The following DUOX1 variants were observed in gnomAD, a reference collection of about 807,000 sequenced individuals.
DUOX1 encodes NADPH thyroid oxidase 1.
In DUOX1, 134 loss-of-function variants were observed where a neutral mutation model predicts 181.8. The ratio of observed to expected loss-of-function variants is 0.74; its 90% CI spans 0.64 to 0.85. The LOEUF (loss-of-function observed/expected upper bound fraction) is 0.85. Ranked by LOEUF, DUOX1 falls within the 40% of genes least tolerant of loss-of-function variation. The pLI, the probability that DUOX1 is intolerant of heterozygous loss-of-function variation, is 0.00. For missense variants in DUOX1, 1,814 were observed against 2,064.4 expected, an observed-to-expected ratio of 0.88 and a Z score of 2.35; for synonymous variants, 798 against 832.5, an observed-to-expected ratio of 0.96 and a Z score of 0.71.
chr15:45,134,421 G>A (rs933311946), intron 4 of DUOX1, 112 bp downstream of exon 4: 8 of 1,191,268 alleles, frequency 6.7e-6, no homozygotes, highest in Non-Finnish European at 6.9e-6. Flanking sequence ...AAGGGATGAG[G>A]GTGAGAGGTG....
chr15:45,135,818 T>C lies in DUOX1; in HGVS notation c.734T>C (p.Leu245Pro), dbSNP rs1202992197. 6.9e-7 allele frequency: 1 copy of C among 1,439,112 alleles called. No individual in the cohort carries two copies. Among genetic ancestry groups the C allele is most frequent in the East Asian group, 2.5e-5 (1 of 40,034 alleles). 89.1% of individuals were successfully genotyped at this position (1,439,112 alleles called of 1,614,324 possible). A position where few individuals can be genotyped will look rare whatever the true frequency, so the allele number is the denominator to read the frequency against. Reference protein sequence around the residue: ...GAERGNREPFLQALGLLWFRY... With the variant: ...GAERGNREPFPQALGLLWFRY... Reference sequence around the variant, plus strand: ...GAGAGAGGGAACCGGGAACCCTTCCTGCAGGCGCTGGGCCTGCTCTGGTTC... The same window carrying C: ...GAGAGAGGGAACCGGGAACCCTTCCCGCAGGCGCTGGGCCTGCTCTGGTTC... Residue 245 changes from leucine to proline, a missense_variant, in exon 7 of 34, where the codon CTG becomes CCG. Physicochemically the swap from Leu to Pro is moderately conservative, Grantham distance 98. Transcript: ENST00000389037.
At chr15:45,141,828 T>G in intron 14 of DUOX1, 147 bp from the exon 15 acceptor site, 2 of 764,360 alleles carry the variant, frequency 2.6e-6, no homozygotes, top group South Asian at 3.7e-5. Context: ...GATTCATTTT[T>G]TACCCCACTT....
rs767048837 is a variant in DUOX1, at chr15:45,147,905, C to T, written c.2550C>T (p.Gly850=). Residue 850 remains glycine (G), a splice_region_variant and synonymous_variant, in exon 20 of 34, where the codon GGC becomes GGT. Transcript: ENST00000389037. ...CTTATGGAGTCCTCCCTCTCCCAGG[C>T]TCTCCTGAGGAAAAGTCTCGCCTTA... ...FLDILVVFMK[G]SPEEKSRLMF... is the part of the protein sequence containing the mutation. 3.1e-6 allele frequency: 5 copies of T among 1,613,784 alleles called. No homozygotes were observed. The highest frequency in any genetic ancestry group is 1.3e-5 in the African/African-American group (1 of 75,062).
chr15:45,139,971 C>A, intron 12 of DUOX1: 3 of 844,062 alleles, frequency 3.6e-6, no homozygotes, highest in Non-Finnish European at 5.6e-6. Context: ...CAGGAGTCAG[C>A]TGTTACACCC....
intron 21 of DUOX1, among the ~76,000 whole-genome samples, chr15:45,149,792 A>C (rs1896757958): frequency 6.6e-6 from 1 of 152,234 alleles, no homozygotes; most frequent in African/African-American, 2.4e-5. Flanking sequence ...CGGAGGCTGT[A>C]GTGAGCCAAG....
chr15:45,153,588 G>T, intron 26 of DUOX1, 109 bp downstream of exon 26: 1 of 1,162,808 alleles, frequency 8.6e-7, no homozygotes, highest in Admixed American at 1.7e-5. Context: ...GAAATTATCT[G>T]GCTCCAGAGG....
chr15:45,153,238 A>C, intron 25 of DUOX1, 142 bp from the exon 26 acceptor site: 1 of 420,752 alleles, frequency 2.4e-6, no homozygotes. Context: ...AAAAAAAAAA[A>C]AAAAAAAGAG....
Position 45,143,194 on chromosome 15 carries a change from C to A in DUOX1, c.1827C>A (p.Ser609Arg), listed in dbSNP as rs756122319. The change falls in exon 16 of 34, where the codon AGC becomes AGA. Residue 609 changes from serine to arginine, a missense_variant. Physicochemically the swap from Ser to Arg is moderately radical, Grantham distance 110. Coordinates refer to ENST00000389037, the MANE Select transcript of DUOX1 (RefSeq NM_175940.3). Reference sequence around the variant, plus strand: ...CCTCTGCCTCTGCCCTCCCAGTGAGCCTGCTCAGTGCCTGGATTGTTGCCC... The same window carrying A: ...CCTCTGCCTCTGCCCTCCCAGTGAGACTGCTCAGTGCCTGGATTGTTGCCC... ...IGTLCCFPLV[S>R]LLSAWIVARL... The A allele has an allele frequency of 2.5e-6, 4 of 1,613,892 alleles. No homozygotes were observed. The highest frequency in any genetic ancestry group is 1.1e-5 in the South Asian group (1 of 91,034).
chr15:45,162,144 T>C, intron 30 of DUOX1, 75 bp from the exon 31 acceptor site: 1 of 1,554,658 alleles, frequency 6.4e-7, no homozygotes, highest in Non-Finnish European at 8.7e-7. Context: ...TATCTACCTT[T>C]CCTTTTCTCT....
intron 4 of DUOX1, 81 bp downstream of exon 4, chr15:45,134,390 G>C: frequency 1.4e-6 from 2 of 1,452,456 alleles, no homozygotes; most frequent in Non-Finnish European, 9.2e-7. Context: ...CAGAGGATGA[G>C]AGAGAAGTGA....
At position 45,139,063 on chromosome 15, in the gene DUOX1, A is replaced by C; in HGVS notation, c.1114-3A>C. The C allele has an allele frequency of 6.2e-7, 1 of 1,613,250 alleles. No individual in the cohort carries two copies. The highest frequency in any genetic ancestry group is 1.1e-5 in the South Asian group (1 of 90,932). Reference sequence around the variant, plus strand: ...CTTTCCTCCCCACCCCCAACCTATAAAGCACCCAAGCCTACAAAGTGCTGA... The same window carrying C: ...CTTTCCTCCCCACCCCCAACCTATACAGCACCCAAGCCTACAAAGTGCTGA... On this transcript the variant is annotated splice_region_variant and splice_polypyrimidine_tract_variant and intron_variant, in intron 10 of 33. Coordinates refer to ENST00000389037, the MANE Select transcript of DUOX1 (RefSeq NM_175940.3).
Position 45,142,098 on chromosome 15 carries a change from G to A in DUOX1, c.1808G>A (p.Cys603Tyr). Residue 603 changes from cysteine (C) to tyrosine (Y), a missense_variant, in exon 15 of 34, where the codon TGT becomes TAT. Around this residue, in one of 5 missense-constraint regions of DUOX1, gnomAD observed 1,064 missense variants for 1,152.9 expected, o/e 0.92. Coordinates refer to ENST00000389037, the MANE Select transcript of DUOX1 (RefSeq NM_175940.3). ...FGFGVTIGTL[C>Y]CFPLVSLLSA... ...TTCGGGGTCACCATCGGGACCCTCT[G>A]TTGCTTCCCTTTGGGTAAAATCATG... 1 of 1,613,818 alleles carries A rather than the reference G, an allele frequency of 6.2e-7. No individual in the cohort carries two copies. Among genetic ancestry groups the A allele is most frequent in the Non-Finnish European group, 8.5e-7 (1 of 1,179,872 alleles).
In DUOX1 at chr15:45,148,426, T is replaced by C; in HGVS notation, c.2797T>C (p.Phe933Leu). The change falls in exon 21 of 34, where the codon TTC (phenylalanine) becomes CTC (leucine). Residue 933 changes from phenylalanine to leucine, a missense_variant. This residue lies in a region of DUOX1 where 1,064 missense variants were observed against 1,152.9 expected (regional missense o/e 0.92). Transcript: ENST00000389037. ...MLRDHNSELR[F>L]TQLCVKGVEV... The stretch of plus-strand genomic sequence containing the variant: ...GCGGGACCACAATAGCGAGCTCCGC[T>C]TCACGCAGCTCTGTGTCAAAGGTGG... 1 of 1,613,564 alleles carries C rather than the reference T, an allele frequency of 6.2e-7. No individual in the cohort carries two copies. The highest frequency in any genetic ancestry group is 8.5e-7 in the Non-Finnish European group (1 of 1,179,632).
rs1896474717 is a variant in DUOX1, at chr15:45,140,980, AC to A, written c.1478del (p.Pro493LeufsTer116). On this transcript the variant is annotated frameshift_variant, in exon 13 of 34. Coordinates refer to ENST00000389037, the MANE Select transcript of DUOX1 (RefSeq NM_175940.3). LOFTEE classifies it high-confidence loss of function. Reference sequence around the variant, plus strand: ...GGGGGACTCCTGGAGAGCCACCGGGACCCTGGACCTCTGTTCAGCACCATCG... The same window carrying A: ...GGGGGACTCCTGGAGAGCCACCGGGACCTGGACCTCTGTTCAGCACCATCG... ...LPGGLLESHR[D>X]PGPLFSTIVL... 1 of 1,613,916 alleles carries A rather than the reference AC, an allele frequency of 6.2e-7. No homozygotes were observed. Among genetic ancestry groups the A allele is most frequent in the Non-Finnish European group, 8.5e-7 (1 of 1,180,030 alleles).
At position 45,141,971 on chromosome 15, in the gene DUOX1, C is replaced by A; in HGVS notation, c.1685-4C>A. 6.2e-7 allele frequency: 1 copy of A among 1,608,616 alleles called. No homozygotes were observed. Among genetic ancestry groups the A allele is most frequent in the Non-Finnish European group, 8.5e-7 (1 of 1,177,594 alleles). ...CAGGACGCTGGCTTCCTCTGCCTTC[C>A]CAGGAGACCCCTGTCCGCAGCCGAG... On this transcript the variant is annotated splice_polypyrimidine_tract_variant and splice_region_variant and intron_variant, in intron 14 of 33. Transcript: ENST00000389037.
At chr15:45,161,610 T>C (rs965526660) in intron 29 of DUOX1, 128 bp from the exon 30 acceptor site, 2 of 824,270 alleles carry the variant, frequency 2.4e-6, no homozygotes, top group Non-Finnish European at 1.9e-6. Context: ...CAGGGTGAGC[T>C]TCTGATGGGG....
At chr15:45,136,063 A>G in intron 7 of DUOX1, 115 bp downstream of exon 7, 1 of 1,517,706 alleles carries the variant, frequency 6.6e-7, no homozygotes, top group Non-Finnish European at 8.9e-7. Flanking sequence ...ACCCCTCCCC[A>G]GACAGCCGAG....
chr15:45,161,139 C>T lies in DUOX1; in HGVS notation c.3856+149C>T, dbSNP rs558355825. On this transcript the variant is annotated intron_variant, in intron 29 of 33. Transcript: ENST00000389037. Reference sequence around the variant, plus strand: ...GACAAAGGAGCTGGTAGGGGCAAGGCGCAGTGGCTCACGCCTGTAATCCCA... The same window carrying T: ...GACAAAGGAGCTGGTAGGGGCAAGGTGCAGTGGCTCACGCCTGTAATCCCA... 1.9e-5 allele frequency: 23 copies of T among 1,232,824 alleles called. 2 individuals carry two copies. Among genetic ancestry groups the T allele is most frequent in the Middle Eastern group, 2.8e-4 (1 of 3,590 alleles). 76.4% of individuals were successfully genotyped at this position (1,232,824 alleles called of 1,614,324 possible).
Position 45,143,292 on chromosome 15 carries a change from G to A in DUOX1, c.1925G>A (p.Gly642Glu). The A allele has an allele frequency of 6.2e-7, 1 of 1,614,042 alleles. No homozygotes were observed. The highest frequency in any genetic ancestry group is 8.5e-7 in the Non-Finnish European group (1 of 1,179,942). Residue 642 changes from glycine (G) to glutamate (E), a missense_variant, in exon 16 of 34, where the codon GGA becomes GAA. Physicochemically the swap from Gly to Glu is moderately conservative, Grantham distance 98. Coordinates refer to ENST00000389037, the MANE Select transcript of DUOX1 (RefSeq NM_175940.3). ...AGCATCGTGTCTGAGAAGCTCGTGGGAGGCATGGAAGGTAGGTCTAGGGCT... is the reference window on the plus strand; with the variant it reads ...AGCATCGTGTCTGAGAAGCTCGTGGAAGGCATGGAAGGTAGGTCTAGGGCT... Reference protein sequence around the residue: ...RQSIVSEKLVGGMEALEWQGH... With the variant: ...RQSIVSEKLVEGMEALEWQGH...
Sources: gnomAD v4.1 joint callset for allele counts (sites outside exome capture counted in the v4.1 genomes callset) on GRCh38, gnomAD v4.1.1 for gene constraint, gnomAD v4.1.1 regional missense constraint, MANE v1.5 for transcripts, NCBI Gene and HGNC (gene_info 2026-07-23, HGNC 2026-07-21) for gene names.